The following LSM14A variants were observed in gnomAD, a reference collection of about 807,000 sequenced individuals.
LSM14A encodes LSM14A mRNA processing body assembly factor, also known as protein LSM14 homolog A.
LSM14A carries 14 observed loss-of-function variants against 52.4 expected under a neutral mutation model. The observed-to-expected ratio is 0.27, with a 90% confidence interval of 0.18 to 0.42. The LOEUF is 0.42. LSM14A is among the 10% of genes least tolerant of loss of function. LSM14A has a pLI of 1.00. For missense variants in LSM14A, 417 were observed against 581.8 expected (o/e 0.72, Z 2.91); for synonymous variants, 185 against 200.3 (o/e 0.92, Z 0.64).
In LSM14A at chr19:34,228,567, CTA is replaced by C. The variant is rs1217302161; in HGVS notation, c.*1181_*1182del. The C allele has an allele frequency of 3.6e-4, 47 of 131,774 alleles. No individual in the cohort carries two copies. Among genetic ancestry groups the C allele is most frequent in the African/African-American group, 1.1e-3 (39 of 34,726 alleles). The allele number at this position is 131,774 out of a possible 1,614,324, so 8.2% of individuals were successfully genotyped here. ...CACACGGCAACACTGGTCCTTGGGCCTATGATGACCCACAGATGACTCAGTAT... is the reference window on the plus strand; with the variant it reads ...CACACGGCAACACTGGTCCTTGGGCCTGATGACCCACAGATGACTCAGTAT... On this transcript the variant is annotated 3_prime_UTR_variant, in exon 10 of 10. Coordinates refer to ENST00000544216, the MANE Select transcript of LSM14A (RefSeq NM_015578.4).
At position 34,217,617 on chromosome 19, in the gene LSM14A, GTGTTTTT is replaced by G. The variant is rs2072736812; in HGVS notation, c.782-1772_782-1766del. 1.3e-3 allele frequency among the ~76,000 whole-genome samples: 49 copies of G among 36,686 alleles called. 5 individuals carry two copies. Among genetic ancestry groups the G allele is most frequent in the African/African-American group, 4.4e-3 (42 of 9,648 alleles). The allele number at this position is 36,686 out of a possible 152,430, so 24.1% of individuals were successfully genotyped here. The stretch of plus-strand genomic sequence containing the variant: ...ATATATTTTTATATCCCCCCCCCCC[GTGTTTTT>G]TTTTTTTTTTTTTTTTTTTTTGAGA... On this transcript the variant is annotated intron_variant, in intron 6 of 9. Transcript: ENST00000544216.
chr19:34,200,167 A>C (rs899199019), intron 3 of LSM14A, among the ~76,000 whole-genome samples: 2 of 152,350 alleles, frequency 1.3e-5, no homozygotes, highest in East Asian at 3.9e-4. Context: ...TTGTTTTGCG[A>C]GACAGTTATC....
intron 5 of LSM14A, 38 bp downstream of exon 5, chr19:34,215,338 A>G (rs1599713366): frequency 6.5e-7 from 1 of 1,532,598 alleles, no homozygotes; most frequent in African/African-American, 1.4e-5. Flanking sequence ...TAATTGACTG[A>G]TCAATGTTTT....
In LSM14A at chr19:34,200,608, T is replaced by A. The variant is rs1174764613; in HGVS notation, c.415+3845T>A. On this transcript the variant is annotated intron_variant, in intron 3 of 9. Coordinates refer to ENST00000544216, the MANE Select transcript of LSM14A (RefSeq NM_015578.4). ...GTTAGATGTTAACAGTTGATGAGTC[T>A]AGGTGAGGAATATATTGATATTCTG... Among the ~76,000 whole-genome samples the A allele has an allele frequency of 3.9e-5, 6 of 152,214 alleles. 1 individual carries two copies. The highest frequency in any genetic ancestry group is 1.4e-4 in the African/African-American group (6 of 41,458).
intron 1 of LSM14A, among the ~76,000 whole-genome samples, chr19:34,179,303 ACATAGT>A (rs1417551189): frequency 6.6e-6 from 1 of 152,254 alleles, no homozygotes; most frequent in African/African-American, 2.4e-5. Context: ...GATGTTAGTC[ACATAGT>A]CATAAACTAT....
chr19:34,221,964 T>C, intron 9 of LSM14A: 3 of 587,710 alleles, frequency 5.1e-6, no homozygotes, highest in Non-Finnish European at 6.4e-6. Context: ...GAATATACTT[T>C]TAACACCCAA....
intron 1 of LSM14A, among the ~76,000 whole-genome samples, chr19:34,181,505 G>GTCTC (rs2069480179): frequency 6.6e-6 from 1 of 152,100 alleles, no homozygotes; most frequent in Non-Finnish European, 1.5e-5. Flanking sequence ...TTAGTTCTTA[G>GTCTC]TCTCATTCTA....
chr19:34,181,070 T>A (rs2069446426), intron 1 of LSM14A, among the ~76,000 whole-genome samples: 1 of 152,186 alleles, frequency 6.6e-6, no homozygotes, highest in South Asian at 2.1e-4. Flanking sequence ...CCTGCATCTG[T>A]TCCCCAGACT....
chr19:34,190,472 A>G (rs965366736), intron 1 of LSM14A, among the ~76,000 whole-genome samples: 15 of 151,970 alleles, frequency 9.9e-5, no homozygotes, highest in African/African-American at 3.6e-4. Context: ...TCCAAGACCC[A>G]TAGTAGAATT....
chr19:34,217,877 T>A (rs1033950332), intron 6 of LSM14A, among the ~76,000 whole-genome samples: 3 of 151,948 alleles, frequency 2.0e-5, no homozygotes, highest in Non-Finnish European at 1.5e-5. Flanking sequence ...ACTGCCATAC[T>A]ATCTTTCATT....
intron 3 of LSM14A, among the ~76,000 whole-genome samples, chr19:34,207,601 G>A (rs945828737): frequency 2.7e-5 from 4 of 148,340 alleles, no homozygotes; most frequent in African/African-American, 1.0e-4. Flanking sequence ...GCCCAATATT[G>A]GCTCATTGCA....
chr19:34,175,386 A>G (rs2069011932), intron 1 of LSM14A, among the ~76,000 whole-genome samples: 2 of 152,090 alleles, frequency 1.3e-5, no homozygotes, highest in Non-Finnish European at 2.9e-5. Context: ...GCGTGCCACC[A>G]CGCTTGGCTA....
At chr19:34,224,301 A>T (rs944434662) in intron 9 of LSM14A, among the ~76,000 whole-genome samples, 4 of 152,230 alleles carry the variant, frequency 2.6e-5, no homozygotes, top group Non-Finnish European at 4.4e-5. Flanking sequence ...ACTGTACTCC[A>T]GCCTGGGCGA....
chr19:34,215,682 G>A (rs756904682), intron 6 of LSM14A, 21 bp downstream of exon 6: 1 of 1,539,390 alleles, frequency 6.5e-7, no homozygotes. Flanking sequence ...GGATCTAAAA[G>A]TCATATTCTA....
At chr19:34,216,026 G>A (rs893806328) in intron 6 of LSM14A, among the ~76,000 whole-genome samples, 10 of 152,216 alleles carry the variant, frequency 6.6e-5, no homozygotes, top group African/African-American at 2.4e-4. Context: ...TTGGAGTTTG[G>A]GAAGTTGGGT....
chr19:34,221,044 T>TA (rs2073023726), intron 8 of LSM14A, among the ~76,000 whole-genome samples: 2 of 151,926 alleles, frequency 1.3e-5, no homozygotes, highest in Non-Finnish European at 2.9e-5. Context: ...ATTGAACTCA[T>TA]ATGCCATGAA....
intron 1 of LSM14A, among the ~76,000 whole-genome samples, chr19:34,185,035 T>C (rs2069788130): frequency 6.6e-6 from 1 of 152,234 alleles, no homozygotes; most frequent in African/African-American, 2.4e-5. Flanking sequence ...GCCAGTATTG[T>C]TTTGTTATTA....
At position 34,209,050 on chromosome 19, in the gene LSM14A, A is replaced by C; in HGVS notation, c.537A>C (p.Gln179His). ...DTRSLKTQLS[Q>H]GRSSPQLDPL... ...GATCTCTAAAAACACAGTTATCTCA[A>C]GGTAAGCTATCTCATCCCTAAAATA... Residue 179 changes from glutamine (Q) to histidine (H), a missense_variant and splice_region_variant, in exon 4 of 10, where the codon CAA (glutamine) becomes CAC (histidine). Around this residue, in one of 2 missense-constraint regions of LSM14A, gnomAD observed 357 missense variants for 457.0 expected, o/e 0.78. Transcript: ENST00000544216. The C allele has an allele frequency of 6.4e-7, 1 of 1,569,204 alleles. No individual in the cohort carries two copies. Among genetic ancestry groups the C allele is most frequent in the East Asian group, 2.3e-5 (1 of 44,274 alleles).
chr19:34,218,999 C>G lies in LSM14A; in HGVS notation c.782-392C>G, dbSNP rs544605934. 3.3e-5 allele frequency among the ~76,000 whole-genome samples: 5 copies of G among 152,210 alleles called. No individual in the cohort carries two copies. In the East Asian group the frequency reaches 9.7e-4, roughly 29 times the overall value. Reference sequence around the variant, plus strand: ...AAAAGGCTTTCTACATTTTGAGAACCCACTGTGTGTCTGGCACTTCAGTTT... The same window carrying G: ...AAAAGGCTTTCTACATTTTGAGAACGCACTGTGTGTCTGGCACTTCAGTTT... On this transcript the variant is annotated intron_variant, in intron 6 of 9. Transcript: ENST00000544216.
Sources: allele counts gnomAD v4.1 joint callset (sites outside exome capture counted in the v4.1 genomes callset), GRCh38; gene constraint gnomAD v4.1.1; regional missense constraint gnomAD v4.1.1; transcripts MANE v1.5; gene names NCBI Gene and HGNC (gene_info 2026-07-23, HGNC 2026-07-21).